The following RNF130 variants were observed in gnomAD, a reference collection of about 807,000 sequenced individuals.
The protein encoded by RNF130 is ring finger protein 130.
Under a neutral mutation model 44.6 loss-of-function variants are expected in RNF130, and 21 were observed. The observed-to-expected ratio is 0.47, with a 90% CI of 0.33 to 0.68. RNF130 has a LOEUF of 0.68. Ranked by LOEUF, RNF130 falls within the 30% of genes least tolerant of loss-of-function variation. RNF130 has a pLI of 0.02. For synonymous variants in RNF130, 214 were observed against 210.4 expected (o/e 1.02, Z -0.15); for missense variants, 479 against 560.6 (o/e 0.85, Z 1.47).
chr5:180,048,403 A>T lies in RNF130; in HGVS notation c.248-7756T>A, dbSNP rs73335521. 8.7e-3 allele frequency among the ~76,000 whole-genome samples: 1,325 copies of T among 152,288 alleles called. 25 individuals are homozygous for T. The highest frequency in any genetic ancestry group is 0.03 in the African/African-American group (1,240 of 41,554). ...TCAAAGGCTACAGGATTAACCTCCG[A>T]ATCTAGGCAATTTCTGCTTGACTCA... On this transcript the variant is annotated intron_variant, in intron 1 of 8. Coordinates refer to ENST00000521389, the MANE Select transcript of RNF130 (RefSeq NM_018434.6).
chr5:180,013,256 C>G lies in RNF130; in HGVS notation c.498G>C (p.Leu166Phe). Residue 166 changes from leucine to phenylalanine, a missense_variant, in exon 3 of 9, where the codon TTG becomes TTC. Leu to Phe is a conservative substitution (Grantham distance 22, BLOSUM62 0). Around this residue, in one of 3 missense-constraint regions of RNF130, gnomAD observed 180 missense variants for 275.1 expected, o/e 0.65. Coordinates refer to ENST00000521389, the MANE Select transcript of RNF130 (RefSeq NM_018434.6). The part of the protein sequence containing the change: ...MITELRGKDI[L>F]SYLEKNISVQ... ...CAGAGATGTTTTTCTCCAGATAACT[C>G]AAAATATCCTTACCCCTCAATTCTG... 1 of 1,614,022 alleles carries G rather than the reference C, an allele frequency of 6.2e-7. No homozygotes were observed. The highest frequency in any genetic ancestry group is 8.5e-7 in the Non-Finnish European group (1 of 1,179,934).
chr5:179,987,217 G>C (rs778969214), intron 3 of RNF130, among the ~76,000 whole-genome samples: 3 of 151,796 alleles, frequency 2.0e-5, no homozygotes, highest in Non-Finnish European at 4.4e-5. Flanking sequence ...ACCCAGGCTG[G>C]AGTGTAGTGG....
At chr5:179,950,053 AATG>A (rs963307038) in intron 7 of RNF130, among the ~76,000 whole-genome samples, 14 of 152,266 alleles carry the variant, frequency 9.2e-5, no homozygotes, top group African/African-American at 3.1e-4. Context: ...CTCTATACTT[AATG>A]ATATTTTCTG....
chr5:180,013,885 G>A (rs952712650), intron 2 of RNF130, among the ~76,000 whole-genome samples: 2 of 152,122 alleles, frequency 1.3e-5, no homozygotes, highest in Non-Finnish European at 2.9e-5. Flanking sequence ...CTGAGACAGG[G>A]GACACACAGC....
intron 6 of RNF130, among the ~76,000 whole-genome samples, chr5:179,969,550 A>G (rs1040119502): frequency 6.6e-6 from 1 of 152,076 alleles, no homozygotes; most frequent in Non-Finnish European, 1.5e-5. Flanking sequence ...TCCCATACTC[A>G]TCGACCAACA....
chr5:180,016,450 TTTG>T (rs1368089244), intron 2 of RNF130, among the ~76,000 whole-genome samples: 1 of 152,214 alleles, frequency 6.6e-6, no homozygotes, highest in Non-Finnish European at 1.5e-5. Flanking sequence ...TCAAAGCACA[TTTG>T]GGACATGCCC....
chr5:180,035,833 A>T (rs1241177858), intron 2 of RNF130, among the ~76,000 whole-genome samples: 1 of 152,136 alleles, frequency 6.6e-6, no homozygotes, highest in Non-Finnish European at 1.5e-5. Flanking sequence ...CAATTCCAGC[A>T]TGTCTGTCTG....
intron 5 of RNF130, among the ~76,000 whole-genome samples, 158 bp downstream of exon 5, chr5:179,978,045 C>T (rs1287722849): frequency 1.3e-5 from 2 of 152,254 alleles, no homozygotes; most frequent in African/African-American, 4.8e-5. Context: ...CCACTCCCTG[C>T]TGGCCTCAGC....
Position 180,035,635 on chromosome 5 carries a change from T to C in RNF130, c.442+4818A>G, listed in dbSNP as rs374782236. Reference sequence around the variant, plus strand: ...AACTATAATGATTGAAATGTCTGTTTCTCCTTCCCATTCTGTCAGTTTTTG... The same window carrying C: ...AACTATAATGATTGAAATGTCTGTTCCTCCTTCCCATTCTGTCAGTTTTTG... On this transcript the variant is annotated intron_variant, in intron 2 of 8. Coordinates refer to ENST00000521389, the MANE Select transcript of RNF130 (RefSeq NM_018434.6). 8.3e-4 allele frequency among the ~76,000 whole-genome samples: 126 copies of C among 152,352 alleles called. 3 individuals are homozygous for C. In the South Asian group the frequency reaches 0.025, roughly 31 times the overall value.
downstream of RNF130, among the ~76,000 whole-genome samples, chr5:179,953,291 C>T (rs1409487361): frequency 6.6e-6 from 1 of 151,204 alleles, no homozygotes; most frequent in Non-Finnish European, 1.5e-5. Flanking sequence ...AGTGCAATCC[C>T]TATAAAATCC....
At chr5:180,055,063 C>T (rs1285147783) in intron 1 of RNF130, among the ~76,000 whole-genome samples, 6 of 151,666 alleles carry the variant, frequency 4.0e-5, no homozygotes, top group Admixed American at 3.9e-4. Flanking sequence ...TAAATTTTGG[C>T]CAGGAGTGGT....
chr5:180,017,870 T>C (rs1763776069), intron 2 of RNF130, among the ~76,000 whole-genome samples: 1 of 152,224 alleles, frequency 6.6e-6, no homozygotes, highest in Admixed American at 6.5e-5. Context: ...AACTTCAGTT[T>C]CTTCTTTCAA....
downstream of RNF130, among the ~76,000 whole-genome samples, chr5:179,954,790 T>C (rs568805980): frequency 2.2e-4 from 33 of 152,260 alleles, no homozygotes; most frequent in East Asian, 3.8e-4. Context: ...CCGTTTTCAA[T>C]AGGAATACGT....
intron 3 of RNF130, among the ~76,000 whole-genome samples, chr5:180,012,263 T>C (rs887570253): frequency 1.3e-5 from 2 of 152,174 alleles, no homozygotes; most frequent in African/African-American, 4.8e-5. Flanking sequence ...AATTTGAATG[T>C]ACCATGTTAG....
chr5:180,013,222 T>G lies in RNF130; in HGVS notation c.532A>C (p.Thr178Pro). The change falls in exon 3 of 9, where the codon ACA (threonine) becomes CCA (proline). Residue 178 changes from threonine (T) to proline (P), a missense_variant. This residue lies in a region of RNF130 where 180 missense variants were observed against 275.1 expected (regional missense o/e 0.65). Transcript: ENST00000521389. The part of the protein sequence containing the change: ...YLEKNISVQM[T>P]IAVGTRMPPK... ...GGCATTCGAGTTCCAACAGCTATTG[T>G]CATTTGTACAGAGATGTTTTTCTCC... 6.2e-7 allele frequency: 1 copy of G among 1,614,250 alleles called. No individual in the cohort carries two copies. Among genetic ancestry groups the G allele is most frequent in the Non-Finnish European group, 8.5e-7 (1 of 1,180,038 alleles).
chr5:180,021,890 A>G (rs747599072), intron 2 of RNF130, among the ~76,000 whole-genome samples: 3 of 152,170 alleles, frequency 2.0e-5, no homozygotes, highest in Non-Finnish European at 1.5e-5. Context: ...ACAGCAGCCC[A>G]GGTCCGAGTC....
chr5:179,936,175 G>A lies in RNF130; in HGVS notation c.1151-15749C>T, dbSNP rs570796828. Among the ~76,000 whole-genome samples, 142 of 152,278 alleles carry A rather than the reference G, an allele frequency of 9.3e-4. 1 individual carries two copies. The highest frequency in any genetic ancestry group is 3.3e-3 in the African/African-American group (139 of 41,558). On this transcript the variant is annotated intron_variant, in intron 7 of 7. Coordinates refer to the RNF130 transcript ENST00000522208. ...CTCGCTCTGTCACCCAGGCTGGAGTGCAGAGGCACGATCATGGCTCACCAC... is the reference window on the plus strand; with the variant it reads ...CTCGCTCTGTCACCCAGGCTGGAGTACAGAGGCACGATCATGGCTCACCAC...
chr5:180,001,358 A>G (rs561614463), intron 3 of RNF130, among the ~76,000 whole-genome samples: 10 of 152,228 alleles, frequency 6.6e-5, no homozygotes, highest in Non-Finnish European at 1.0e-4. Flanking sequence ...CAGAATGACA[A>G]TGGGACCATG....
At chr5:179,920,092 G>A in exon 8 of RNF130, 1 of 469,670 alleles carries the variant, frequency 2.1e-6, no homozygotes, top group Admixed American at 3.3e-5. Context: ...TCAATGATCA[G>A]CTTGGGCGGG....
Sources: gnomAD v4.1 joint callset for allele counts (sites outside exome capture counted in the v4.1 genomes callset) on GRCh38, gnomAD v4.1.1 for gene constraint, gnomAD v4.1.1 regional missense constraint, MANE v1.5 for transcripts, NCBI Gene and HGNC (gene_info 2026-07-23, HGNC 2026-07-21) for gene names.